The following CCDC73 variants were observed in gnomAD, a reference collection of about 807,000 sequenced individuals.
CCDC73 encodes the protein coiled-coil domain-containing protein 73.
In CCDC73, 95 loss-of-function variants were observed where a neutral mutation model predicts 116.5. The ratio of observed to expected loss-of-function variants is 0.82; its 90% CI spans 0.69 to 0.97. The LOEUF is 0.97. CCDC73 is among the 50% of genes least tolerant of loss of function. The pLI is 0.00. For missense variants in CCDC73, 1,066 were observed against 1,206.8 expected, an observed-to-expected ratio of 0.88 and a Z score of 1.73; for synonymous variants, 398 against 401.3, an observed-to-expected ratio of 0.99 and a Z score of 0.10.
the CCDC73 span, among the ~76,000 whole-genome samples, chr11:32,825,688 G>A: frequency 1.3e-5 from 2 of 152,158 alleles, no homozygotes; most frequent in Non-Finnish European, 2.9e-5. Flanking sequence ...ACATGTGTTT[G>A]GAAAGTATAG....
chr11:32,731,094 T>C (rs888348260), intron 2 of CCDC73, among the ~76,000 whole-genome samples: 3 of 152,140 alleles, frequency 2.0e-5, no homozygotes, highest in African/African-American at 7.2e-5. Context: ...ACTTTTCCAA[T>C]GGTCATAGCA....
At chr11:32,715,491 T>TAC (rs911437807) in intron 3 of CCDC73, among the ~76,000 whole-genome samples, 1,878 of 123,706 alleles carry the variant, frequency 0.015, 44 homozygotes, top group African/African-American at 0.046. Context: ...GAAAAACTGA[T>TAC]ACACACGCAC....
At chr11:32,813,102 CTTTG>C in the CCDC73 span, among the ~76,000 whole-genome samples, 3 of 151,746 alleles carry the variant, frequency 2.0e-5, no homozygotes, top group Non-Finnish European at 4.4e-5. Flanking sequence ...TTTTGAATAT[CTTTG>C]TTTGCCAATT....
chr11:32,821,864 T>C, the CCDC73 span, among the ~76,000 whole-genome samples: 2 of 152,234 alleles, frequency 1.3e-5, no homozygotes, highest in Non-Finnish European at 2.9e-5. Flanking sequence ...AAAGATCTTA[T>C]TTGACTGTTA....
the CCDC73 span, among the ~76,000 whole-genome samples, chr11:32,812,981 A>T: frequency 6.6e-6 from 1 of 152,238 alleles, no homozygotes; most frequent in East Asian, 1.9e-4. Context: ...AATAATAAGG[A>T]ATAATAACAT....
intron 3 of CCDC73, among the ~76,000 whole-genome samples, chr11:32,710,645 A>G (rs1849891065): frequency 6.6e-6 from 1 of 152,224 alleles, no homozygotes; most frequent in African/African-American, 2.4e-5. Flanking sequence ...ACTGATTAAC[A>G]GAATGCATAT....
At chr11:32,646,596 ACT>A (rs1217387492) in intron 12 of CCDC73, among the ~76,000 whole-genome samples, 1 of 152,034 alleles carries the variant, frequency 6.6e-6, no homozygotes, top group Non-Finnish European at 1.5e-5. Flanking sequence ...TTGTGTTACC[ACT>A]CTCATTCTTA....
intron 1 of CCDC73, among the ~76,000 whole-genome samples, chr11:32,774,404 C>T (rs1328865195): frequency 6.6e-6 from 1 of 152,012 alleles, no homozygotes; most frequent in Non-Finnish European, 1.5e-5. Context: ...GAGTTAAAAC[C>T]CTTTTTATGC....
chr11:32,620,793 T>G (rs1172023888), intron 14 of CCDC73, among the ~76,000 whole-genome samples: 1 of 152,010 alleles, frequency 6.6e-6, no homozygotes, highest in African/African-American at 2.4e-5. Flanking sequence ...ATATTTAAAC[T>G]TTGTGAGGCT....
chr11:32,708,564 C>T (rs1019572943), intron 3 of CCDC73, among the ~76,000 whole-genome samples: 7 of 152,142 alleles, frequency 4.6e-5, no homozygotes, highest in Non-Finnish European at 8.8e-5. Flanking sequence ...TTGTTTATGT[C>T]ATCTGTGATT....
intron 2 of CCDC73, among the ~76,000 whole-genome samples, chr11:32,727,314 C>G (rs189841186): frequency 3.3e-5 from 5 of 152,202 alleles, no homozygotes; most frequent in African/African-American, 1.2e-4. Context: ...CACTGTAAAC[C>G]TAGTATTTTC....
intron 1 of CCDC73, among the ~76,000 whole-genome samples, chr11:32,761,447 C>T (rs7107642): frequency 0.085 from 12,872 of 152,068 alleles, 624 homozygotes; most frequent in South Asian, 0.12. Context: ...TAGAGATAAA[C>T]GCCCAAGAGT....
At chr11:32,815,127 T>A in the CCDC73 span, among the ~76,000 whole-genome samples, 1 of 152,200 alleles carries the variant, frequency 6.6e-6, no homozygotes, top group African/African-American at 2.4e-5. Context: ...TTTTACCACC[T>A]TATGAAAATA....
intron 3 of CCDC73, among the ~76,000 whole-genome samples, chr11:32,706,012 G>GAA (rs3078271): frequency 0.3 from 40,415 of 135,202 alleles, 6,788 homozygotes; most frequent in East Asian, 0.78. Flanking sequence ...TATATCAGCT[G>GAA]AAAAAAAAAA....
chr11:32,701,567 A>C (rs1254217559), intron 4 of CCDC73, among the ~76,000 whole-genome samples: 1 of 152,000 alleles, frequency 6.6e-6, no homozygotes, highest in South Asian at 2.1e-4. Context: ...TTTTTTAAGC[A>C]CCTGTAGTCC....
intron 1 of CCDC73, among the ~76,000 whole-genome samples, chr11:32,765,919 T>C (rs1170876309): frequency 6.6e-6 from 1 of 152,120 alleles, no homozygotes; most frequent in African/African-American, 2.4e-5. Context: ...ACTATTCCAA[T>C]CAATAGAAAG....
At chr11:32,770,594 G>T (rs1052753676) in intron 1 of CCDC73, among the ~76,000 whole-genome samples, 4 of 152,148 alleles carry the variant, frequency 2.6e-5, no homozygotes, top group Admixed American at 2.0e-4. Flanking sequence ...ATGGAAACTG[G>T]AAAAGCAATA....
intron 6 of CCDC73, among the ~76,000 whole-genome samples, chr11:32,692,541 A>G (rs954729792): frequency 1.3e-5 from 2 of 152,170 alleles, no homozygotes; most frequent in Non-Finnish European, 2.9e-5. Flanking sequence ...TTAATGAAAT[A>G]AAGTAATAAA....
At chr11:32,698,870 T>G (rs1340018385) in intron 6 of CCDC73, among the ~76,000 whole-genome samples, 1 of 152,198 alleles carries the variant, frequency 6.6e-6, no homozygotes, top group Non-Finnish European at 1.5e-5. Context: ...TTCTTAGTTT[T>G]TGTATTTGCA....
Sources: gnomAD v4.1 joint callset for allele counts (sites outside exome capture counted in the v4.1 genomes callset) on GRCh38, gnomAD v4.1.1 for gene constraint, MANE v1.5 for transcripts, NCBI Gene and HGNC (gene_info 2026-07-23, HGNC 2026-07-21) for gene names.